The following GBP4 variants were observed in gnomAD, a reference collection of about 807,000 sequenced individuals.
The protein encoded by GBP4 is guanylate-binding protein 4.
A neutral mutation model predicts 62.2 loss-of-function variants in GBP4; 69 were observed. The observed-to-expected ratio is 1.11, with a 90% confidence interval of 0.91 to 1.36. The LOEUF (loss-of-function observed/expected upper bound fraction) is 1.36. Ranked by LOEUF, GBP4 falls within the 40% of genes most tolerant of loss-of-function variation. The pLI is 0.00. For missense variants in GBP4, 697 were observed against 759.3 expected, an observed-to-expected ratio of 0.92 and a Z score of 0.96; for synonymous variants, 278 against 274.6, an observed-to-expected ratio of 1.01 and a Z score of -0.12.
chr1:89,190,307 G>A lies in GBP4; in HGVS notation c.928C>T (p.Leu310=). The A allele has an allele frequency of 6.2e-7, 1 of 1,604,584 alleles. No individual in the cohort carries two copies. The highest frequency in any genetic ancestry group is 8.5e-7 in the Non-Finnish European group (1 of 1,172,212). ...IIVTGKRLGT[L]VVTYVDAINS... ...ATGGCATCTACATAAGTCACCACCA[G>A]AGTCCCCAGCCCTGAATCACATATA... The change falls in exon 7 of 11, where the codon CTG becomes TTG. Residue 310 remains leucine, a synonymous_variant. Transcript: ENST00000355754.
intron 9 of GBP4, among the ~76,000 whole-genome samples, 176 bp downstream of exon 9, chr1:89,186,824 A>AT (rs1648050143): frequency 6.6e-6 from 1 of 152,230 alleles, no homozygotes; most frequent in South Asian, 2.1e-4. Flanking sequence ...TATACAATAT[A>AT]TTTTTTAACT....
intron 3 of GBP4, 128 bp downstream of exon 3, chr1:89,195,169 A>G: frequency 1.0e-6 from 1 of 977,032 alleles, no homozygotes; most frequent in South Asian, 1.7e-5. Flanking sequence ...AAGTCTGAGG[A>G]AACAGAATTT....
In GBP4 at chr1:89,188,685, A is replaced by AGG. The variant is rs1648103981; in HGVS notation, c.1306_1307insCC (p.Ile436ThrfsTer3). Reference sequence around the variant, plus strand: ...AGGAACAGAGAAAATTCCTCTCAAAATGCTTTCTGTCAGGTGCTCTGAAAG... The same window carrying AGG: ...AGGAACAGAGAAAATTCCTCTCAAAAGGTGCTTTCTGTCAGGTGCTCTGAAAG... On this transcript the variant is annotated frameshift_variant, in exon 8 of 11. Coordinates refer to ENST00000355754, the MANE Select transcript of GBP4 (RefSeq NM_052941.5). LOFTEE classifies it high-confidence loss of function. The AGG allele has an allele frequency of 3.7e-6, 6 of 1,614,090 alleles. No individual in the cohort carries two copies. In the African/African-American group the frequency reaches 4.0e-5, roughly 11 times the overall value.
rs969832089 is a variant in GBP4, at chr1:89,184,290, C to T, written c.*964G>A. The T allele has an allele frequency of 2.0e-5, 3 of 152,044 alleles. No homozygotes were observed. The highest frequency in any genetic ancestry group is 7.2e-5 in the African/African-American group (3 of 41,388). 9.4% of individuals were successfully genotyped at this position (152,044 alleles called of 1,614,324 possible). On this transcript the variant is annotated 3_prime_UTR_variant, in exon 11 of 11. Coordinates refer to ENST00000355754, the MANE Select transcript of GBP4 (RefSeq NM_052941.5). ...CACTGTGGAAAGCAGGTTGGTGATT[C>T]CTCAAAGAACTCAGAATTACCATTC...
chr1:89,184,242 G>C lies in GBP4; in HGVS notation c.*1012C>G, dbSNP rs577613334. Reference sequence around the variant, plus strand: ...AGAAAATGGAACACATACACTGTTGGTGGGAGTGTAAATTAGTTTAGCCAC... The same window carrying C: ...AGAAAATGGAACACATACACTGTTGCTGGGAGTGTAAATTAGTTTAGCCAC... On this transcript the variant is annotated 3_prime_UTR_variant, in exon 11 of 11. Coordinates refer to ENST00000355754, the MANE Select transcript of GBP4 (RefSeq NM_052941.5). The C allele has an allele frequency of 6.6e-6, 1 of 152,312 alleles. No individual in the cohort carries two copies. The highest frequency in any genetic ancestry group is 1.9e-4 in the East Asian group (1 of 5,184). The allele number at this position is 152,312 out of a possible 1,614,324, so 9.4% of individuals were successfully genotyped here.
intron 8 of GBP4, among the ~76,000 whole-genome samples, chr1:89,187,647 A>T (rs563407825): frequency 8.3e-4 from 126 of 152,182 alleles, no homozygotes; most frequent in Non-Finnish European, 2.5e-4. Flanking sequence ...TAAACACTCA[A>T]AAAACCAATA....
chr1:89,196,402 A>G (rs1055332017), intron 2 of GBP4, among the ~76,000 whole-genome samples: 5 of 152,228 alleles, frequency 3.3e-5, no homozygotes, highest in East Asian at 1.9e-4. Context: ...ATGTAGAACC[A>G]TTTTTAAAAA....
intron 8 of GBP4, among the ~76,000 whole-genome samples, chr1:89,188,074 C>T (rs949499360): frequency 2.6e-5 from 4 of 152,102 alleles, no homozygotes; most frequent in Admixed American, 6.5e-5. Flanking sequence ...CCTATGTGGA[C>T]GATAGTGGTA....
rs34588950 is a variant in GBP4 at position 89,182,482 on chromosome 1, T to TA, written c.*2771_*2772insT. On this transcript the variant is annotated 3_prime_UTR_variant, in exon 11 of 11. Transcript: ENST00000355754. Reference sequence around the variant, plus strand: ...CATCGGTTTCTAAGTTATGAGTTGATTTTTTTTTTTTTTTTTTGAGACGGA... The same window carrying TA: ...CATCGGTTTCTAAGTTATGAGTTGATATTTTTTTTTTTTTTTTTGAGACGGA... 1 of 15,242 alleles carries TA rather than the reference T, an allele frequency of 6.6e-5. No homozygotes were observed. Among genetic ancestry groups the TA allele is most frequent in the Non-Finnish European group, 1.8e-4 (1 of 5,668 alleles). 0.9% of individuals were successfully genotyped at this position (15,242 alleles called of 1,614,324 possible). A position where few individuals can be genotyped will look rare whatever the true frequency, so the allele number is the denominator to read the frequency against.
At chr1:89,198,413 G>T (rs983334350) in intron 1 of GBP4, among the ~76,000 whole-genome samples, 3 of 151,860 alleles carry the variant, frequency 2.0e-5, no homozygotes, top group Non-Finnish European at 4.4e-5. Context: ...AACAAGGTAG[G>T]GTATCACATA....
At chr1:89,193,471 ATTTGGTTG>A in intron 3 of GBP4, 59 bp from the exon 4 acceptor site, 3 of 1,447,266 alleles carry the variant, frequency 2.1e-6, no homozygotes, top group Non-Finnish European at 2.9e-6. Context: ...TCATTCATTC[ATTTGGTTG>A]TTCATTAGCT....
At position 89,190,086 on chromosome 1, in the gene GBP4, C is replaced by T; in HGVS notation, c.1149G>A (p.Met383Ile). Residue 383 changes from methionine to isoleucine, a missense_variant, in exon 7 of 11, where the codon ATG (methionine) becomes ATA (isoleucine). By Grantham distance (10) the Met-to-Ile change is conservative. Around this residue, in one of 2 missense-constraint regions of GBP4, gnomAD observed 556 missense variants for 562.7 expected, o/e 0.99. Transcript: ENST00000355754. ...GGTTTTCATCCTTGAAGGAGTGCTCCATGAAGACTGCAATGGCTTCCCTCT... is the reference window on the plus strand; with the variant it reads ...GGTTTTCATCCTTGAAGGAGTGCTCTATGAAGACTGCAATGGCTTCCCTCT... Reference protein sequence around the residue: ...ACEREAIAVFMEHSFKDENHE... With the variant: ...ACEREAIAVFIEHSFKDENHE... 6.2e-7 allele frequency: 1 copy of T among 1,614,108 alleles called. No individual in the cohort carries two copies. Among genetic ancestry groups the T allele is most frequent in the South Asian group, 1.1e-5 (1 of 91,076 alleles).
rs1326793322 is a variant in GBP4 at position 89,183,191 on chromosome 1, A to G, written c.*2063T>C. 6.6e-6 allele frequency: 1 copy of G among 152,228 alleles called. No individual in the cohort carries two copies. The highest frequency in any genetic ancestry group is 1.5e-5 in the Non-Finnish European group (1 of 68,044). 9.4% of individuals were successfully genotyped at this position (152,228 alleles called of 1,614,324 possible). A position where few individuals can be genotyped will look rare whatever the true frequency, so the allele number is the denominator to read the frequency against. On this transcript the variant is annotated 3_prime_UTR_variant, in exon 11 of 11. Transcript: ENST00000355754. The stretch of plus-strand genomic sequence containing the variant: ...GTAACCAAAACAGCATGGTATTAGT[A>G]GAAAAACAGACACACAGATAAATGG...
Position 89,185,226 on chromosome 1 carries a change from T to C in GBP4, c.*28A>G. On this transcript the variant is annotated 3_prime_UTR_variant, in exon 11 of 11. Coordinates refer to ENST00000355754, the MANE Select transcript of GBP4 (RefSeq NM_052941.5). Reference sequence around the variant, plus strand: ...TTAAAATAAAATAAACCTCATTTTATATTTTCTTACCTGGAATATTCAGGC... The same window carrying C: ...TTAAAATAAAATAAACCTCATTTTACATTTTCTTACCTGGAATATTCAGGC... 3 of 1,337,204 alleles carry C rather than the reference T, an allele frequency of 2.2e-6. No individual in the cohort carries two copies. The highest frequency in any genetic ancestry group is 4.6e-5 in the East Asian group (2 of 43,544). The allele number at this position is 1,337,204 out of a possible 1,614,324, so 82.8% of individuals were successfully genotyped here.
intron 1 of GBP4, 51 bp downstream of exon 1, chr1:89,198,744 T>C: frequency 6.6e-7 from 1 of 1,515,196 alleles, no homozygotes; most frequent in South Asian, 1.1e-5. Flanking sequence ...TTTGTTGTTG[T>C]TTGTTATAAC....
At position 89,185,287 on chromosome 1, in the gene GBP4, T is replaced by TC. The variant is rs756965997; in HGVS notation, c.1889dup (p.Val631SerfsTer14). On this transcript the variant is annotated frameshift_variant, in exon 11 of 11. Transcript: ENST00000355754. LOFTEE classifies it low-confidence loss of function (END_TRUNC). ...GTGAGCCAAGATATTTTGTCCCTAC[T>TC]CCAAGTAGCTTGGAAGCCCCAGGTA... 3 of 1,612,846 alleles carry TC rather than the reference T, an allele frequency of 1.9e-6. No homozygotes were observed. Among genetic ancestry groups the TC allele is most frequent in the Non-Finnish European group, 2.5e-6 (3 of 1,179,018 alleles).
Position 89,184,984 on chromosome 1 carries a change from T to C in GBP4, c.*270A>G, listed in dbSNP as rs1647993805. On this transcript the variant is annotated 3_prime_UTR_variant, in exon 11 of 11. Transcript: ENST00000355754. ...TTAATGGCTTCTTAATCTTACCAGT[T>C]GTCTTTTTGCTTTCCTTAAATCTTT... 7.0e-6 allele frequency: 2 copies of C among 284,482 alleles called. No homozygotes were observed. The highest frequency in any genetic ancestry group is 2.2e-5 in the African/African-American group (1 of 45,584). The allele number at this position is 284,482 out of a possible 1,614,324, so 17.6% of individuals were successfully genotyped here.
At chr1:89,191,116 A>G in intron 6 of GBP4, 145 bp downstream of exon 6, 1 of 968,858 alleles carries the variant, frequency 1.0e-6, no homozygotes, top group Middle Eastern at 3.5e-4. Flanking sequence ...ATTAAGAAAC[A>G]TTCATTTCTA....
At position 89,184,004 on chromosome 1, in the gene GBP4, C is replaced by T. The variant is rs1365402894; in HGVS notation, c.*1250G>A. 1 of 152,032 alleles carries T rather than the reference C, an allele frequency of 6.6e-6. No individual in the cohort carries two copies. Among genetic ancestry groups the T allele is most frequent in the Non-Finnish European group, 1.5e-5 (1 of 67,996 alleles). 9.4% of individuals were successfully genotyped at this position (152,032 alleles called of 1,614,324 possible). A position where few individuals can be genotyped will look rare whatever the true frequency, so the allele number is the denominator to read the frequency against. ...AATATCCAGAATCTATAAGAAGCTT[C>T]AAAAAATTTACAAGCGAAAAACAAG... On this transcript the variant is annotated 3_prime_UTR_variant, in exon 11 of 11. Coordinates refer to ENST00000355754, the MANE Select transcript of GBP4 (RefSeq NM_052941.5).
Sources: allele counts gnomAD v4.1 joint callset (sites outside exome capture counted in the v4.1 genomes callset), GRCh38; gene constraint gnomAD v4.1.1; regional missense constraint gnomAD v4.1.1; transcripts MANE v1.5; gene names NCBI Gene and HGNC (gene_info 2026-07-23, HGNC 2026-07-21).